The following SLC22A23 variants were observed in gnomAD, a reference collection of about 807,000 sequenced individuals.
SLC22A23 encodes the protein solute carrier family 22 member 23.
Under a neutral mutation model 61.0 loss-of-function variants are expected in SLC22A23, and 26 were observed. The observed-to-expected ratio is 0.43, with a 90% CI of 0.31 to 0.59. SLC22A23 has a LOEUF of 0.59. SLC22A23 is among the 20% of genes least tolerant of loss of function. The pLI, the probability that SLC22A23 is intolerant of heterozygous loss-of-function variation, is 0.11. For synonymous variants in SLC22A23, 430 were observed against 413.9 expected (o/e 1.04, Z -0.47); for missense variants, 796 against 934.7 (o/e 0.85, Z 1.94).
At chr6:3,415,138 C>T (rs1004402945) in intron 2 of SLC22A23, among the ~76,000 whole-genome samples, 1 of 152,228 alleles carries the variant, frequency 6.6e-6, no homozygotes, top group Non-Finnish European at 1.5e-5. Context: ...AATCTTTCAG[C>T]TGCTAATGTT....
intron 6 of SLC22A23, among the ~76,000 whole-genome samples, chr6:3,287,682 T>TTTG (rs1554134154): frequency 3.1e-4 from 46 of 150,648 alleles, no homozygotes; most frequent in African/African-American, 5.1e-4. Context: ...ACTGTTTTTT[T>TTTG]TTTTGTTTTG....
At chr6:3,391,511 G>A (rs968735115) in intron 3 of SLC22A23, among the ~76,000 whole-genome samples, 1 of 152,094 alleles carries the variant, frequency 6.6e-6, no homozygotes, top group African/African-American at 2.4e-5. Context: ...GATCTTCATC[G>A]TGTTCCATGA....
chr6:3,295,821 G>A (rs527725297), intron 5 of SLC22A23, among the ~76,000 whole-genome samples: 18 of 152,290 alleles, frequency 1.2e-4, no homozygotes, highest in South Asian at 4.1e-4. Context: ...GGGCTGCGGG[G>A]CAGAGCCACC....
Position 3,304,649 on chromosome 6 carries a change from TC to T in SLC22A23, c.1083-6432del, listed in dbSNP as rs1761845937. Among the ~76,000 whole-genome samples, 2 of 152,130 alleles carry T rather than the reference TC, an allele frequency of 1.3e-5. No individual in the cohort carries two copies. Among genetic ancestry groups the T allele is most frequent in the South Asian group, 4.2e-4 (2 of 4,804 alleles). ...ATGGCGTGGGTTGTAGTGGGGGCAGTCCCAGGCAGGTGGTCCAGGGGCTGGT... is the reference window on the plus strand; with the variant it reads ...ATGGCGTGGGTTGTAGTGGGGGCAGTCCAGGCAGGTGGTCCAGGGGCTGGT... On this transcript the variant is annotated intron_variant, in intron 4 of 9. Coordinates refer to ENST00000406686, the MANE Select transcript of SLC22A23 (RefSeq NM_015482.2). The surrounding 1 kb of genome is among the most constrained non-coding windows in gnomAD (Gnocchi z 4.3).
intron 5 of SLC22A23, among the ~76,000 whole-genome samples, chr6:3,295,056 A>G (rs1760951197): frequency 6.7e-6 from 1 of 150,268 alleles, no homozygotes; most frequent in Non-Finnish European, 1.5e-5. Flanking sequence ...ATAAATATTC[A>G]TGGCACACCT....
chr6:3,277,138 G>A (rs1456416357), intron 9 of SLC22A23, among the ~76,000 whole-genome samples: 4 of 152,190 alleles, frequency 2.6e-5, no homozygotes, highest in African/African-American at 9.7e-5. Flanking sequence ...GGGTCTAGGG[G>A]GCAGCTGGGT....
chr6:3,452,599 TAAAAAAAAAAAAAAAAAAAAAA>T (rs570923626), intron 1 of SLC22A23, among the ~76,000 whole-genome samples: 14 of 40,536 alleles, frequency 3.5e-4, no homozygotes, highest in Non-Finnish European at 5.3e-4. Flanking sequence ...AGACGCTGTC[TAAAAAAAAAAAAAAAAAAAAAA>T]AAAAAAAAAA....
In SLC22A23 at chr6:3,390,988, T is replaced by A. The variant is rs539722783; in HGVS notation, c.913+19200A>T. ...TGAAGAGAATCATACCCTGACTCAT[T>A]AGAGTGATGAAAAATTTCTCAAACT... is the stretch of plus-strand genomic sequence containing the variant. On this transcript the variant is annotated intron_variant, in intron 3 of 9. Transcript: ENST00000406686. The surrounding 1 kb of genome is among the most constrained non-coding windows in gnomAD (Gnocchi z 4.0). Among the ~76,000 whole-genome samples the A allele has an allele frequency of 3.3e-5, 5 of 152,254 alleles. No homozygotes were observed. The highest frequency in any genetic ancestry group is 1.2e-4 in the African/African-American group (5 of 41,540).
At chr6:3,315,806 G>A (rs1762604142) in intron 4 of SLC22A23, among the ~76,000 whole-genome samples, 1 of 152,024 alleles carries the variant, frequency 6.6e-6, no homozygotes, top group African/African-American at 2.4e-5. Flanking sequence ...AGAGCTTGCA[G>A]TGAGCTGAGA....
intron 1 of SLC22A23, among the ~76,000 whole-genome samples, chr6:3,425,452 T>C (rs1561973143): frequency 1.3e-5 from 2 of 151,790 alleles, no homozygotes; most frequent in African/African-American, 4.8e-5. Context: ...GCCCGGCTAA[T>C]TTTTTGTATT....
chr6:3,272,933 A>C lies in SLC22A23; in HGVS notation c.*122T>G, dbSNP rs1453283122. The C allele has an allele frequency of 8.2e-6, 7 of 856,266 alleles. No individual in the cohort carries two copies. Among genetic ancestry groups the C allele is most frequent in the Middle Eastern group, 3.7e-4 (1 of 2,720 alleles). The allele number at this position is 856,266 out of a possible 1,614,324, so 53.0% of individuals were successfully genotyped here. A position where few individuals can be genotyped will look rare whatever the true frequency, so the allele number is the denominator to read the frequency against. ...TGGAAAGACAGGATTTCCCCACACC[A>C]GTTGAGAGGCTCAGCTTGGCTGAGG... On this transcript the variant is annotated 3_prime_UTR_variant, in exon 10 of 10. Transcript: ENST00000406686.
At chr6:3,305,762 G>A (rs1761931017) in intron 4 of SLC22A23, among the ~76,000 whole-genome samples, 1 of 152,230 alleles carries the variant, frequency 6.6e-6, no homozygotes, top group Non-Finnish European at 1.5e-5. Context: ...ATCCTCACAT[G>A]TAGACGGCCA....
At chr6:3,445,724 G>A (rs1002220102) in intron 1 of SLC22A23, among the ~76,000 whole-genome samples, 8 of 152,142 alleles carry the variant, frequency 5.3e-5, no homozygotes, top group African/African-American at 1.9e-4. Context: ...GAGGGAAGGG[G>A]CTCGAGCAAG....
Position 3,410,297 on chromosome 6 carries a change from C to G in SLC22A23, c.804G>C (p.Leu268=), listed in dbSNP as rs1409932490. The G allele has an allele frequency of 6.2e-7, 1 of 1,613,650 alleles. No individual in the cohort carries two copies. The part of the protein sequence containing the change: ...PVLLFSIIFI[L]IFGLTVALSV... ...ACAGTGCCACAGTCAGTCCAAAGAT[C>G]AGAATGAAGATGATGGAAAACAGCA... is the stretch of plus-strand genomic sequence containing the variant. The change falls in exon 3 of 10, where the codon CTG becomes CTC. Residue 268 remains leucine, a synonymous_variant. Coordinates refer to ENST00000406686, the MANE Select transcript of SLC22A23 (RefSeq NM_015482.2). This position sits in a 1 kb window ranked among gnomAD's most constrained non-coding sequence, Gnocchi z 5.0.
In SLC22A23 at chr6:3,403,614, A is replaced by G. The variant is rs1048344878; in HGVS notation, c.913+6574T>C. On this transcript the variant is annotated intron_variant, in intron 3 of 9. Transcript: ENST00000406686. ...CAGCGAGGAAGGATGGAAGTCCAAC[A>G]ACACTAGGTACTAGTGTGGACTTGA... Among the ~76,000 whole-genome samples the G allele has an allele frequency of 2.0e-5, 3 of 152,152 alleles. No individual in the cohort carries two copies. In the East Asian group the frequency reaches 5.8e-4, roughly 29 times the overall value.
At chr6:3,284,716 C>T (rs1033297791) in intron 8 of SLC22A23, among the ~76,000 whole-genome samples, 1 of 152,198 alleles carries the variant, frequency 6.6e-6, no homozygotes, top group Non-Finnish European at 1.5e-5. Flanking sequence ...CCCCTGGCAG[C>T]ACAGACAGCC....
chr6:3,384,733 A>G (rs976842552), intron 3 of SLC22A23, among the ~76,000 whole-genome samples: 8 of 152,250 alleles, frequency 5.3e-5, no homozygotes, highest in African/African-American at 1.9e-4. Context: ...CATATGATCC[A>G]GCATTTCTAC....
chr6:3,362,567 G>C (rs1765547309), intron 3 of SLC22A23, among the ~76,000 whole-genome samples: 1 of 152,024 alleles, frequency 6.6e-6, no homozygotes, highest in Non-Finnish European at 1.5e-5. Context: ...GGCTCCATGG[G>C]ATTGAGATTA....
At chr6:3,321,374 G>A (rs1391762613) in intron 4 of SLC22A23, among the ~76,000 whole-genome samples, 2 of 151,266 alleles carry the variant, frequency 1.3e-5, no homozygotes, top group Non-Finnish European at 2.9e-5. Context: ...ATGCACACAC[G>A]TGCACACACA....
Sources: gnomAD v4.1 joint callset for allele counts (sites outside exome capture counted in the v4.1 genomes callset) on GRCh38, gnomAD v4.1.1 for gene constraint, Gnocchi (gnomAD v3.1) non-coding constraint, MANE v1.5 for transcripts, NCBI Gene and HGNC (gene_info 2026-07-23, HGNC 2026-07-21) for gene names.